Variants in ZDHHC17 observed in about 807,000 individuals in gnomAD.
ZDHHC17 encodes the protein palmitoyltransferase ZDHHC17.
ZDHHC17 carries 40 observed loss-of-function variants against 90.3 expected under a neutral mutation model. That is an observed-to-expected ratio of 0.44 (90% CI 0.34 to 0.58). ZDHHC17 has a LOEUF of 0.58. Ranked by LOEUF, ZDHHC17 falls within the 20% of genes least tolerant of loss-of-function variation. ZDHHC17 has a pLI of 0.01. For missense variants in ZDHHC17, 614 were observed against 780.8 expected (o/e 0.79, Z 2.55); for synonymous variants, 235 against 252.4 (o/e 0.93, Z 0.65).
chr12:76,840,787 TA>T (rs1327664889), intron 10 of ZDHHC17, among the ~76,000 whole-genome samples: 1 of 152,240 alleles, frequency 6.6e-6, no homozygotes, highest in Non-Finnish European at 1.5e-5. Context: ...TTCCTTAATA[TA>T]CCTTTCAAAT....
At chr12:76,845,193 G>C (rs1953480025) in intron 12 of ZDHHC17, 1 of 152,172 alleles carries the variant, frequency 6.6e-6, no homozygotes, top group African/African-American at 2.4e-5. Context: ...ATGGGTTTTT[G>C]CTGGATTTGT....
At chr12:76,846,719 C>G in intron 14 of ZDHHC17, 40 bp downstream of exon 14, 1 of 1,484,736 alleles carries the variant, frequency 6.7e-7, no homozygotes, top group Non-Finnish European at 9.3e-7. Context: ...AAACAAATTT[C>G]TGCATACTTA....
intron 2 of ZDHHC17, among the ~76,000 whole-genome samples, chr12:76,800,071 G>A (rs527542626): frequency 5.0e-4 from 76 of 152,256 alleles, no homozygotes; most frequent in African/African-American, 1.7e-3. Flanking sequence ...TAGGATTTTG[G>A]AATACTTCAT....
In ZDHHC17 at chr12:76,848,316, A is replaced by C. The variant is rs1351484266; in HGVS notation, c.1591A>C (p.Met531Leu). Residue 531 changes from methionine (M) to leucine (L), a missense_variant, in exon 15 of 17, where the codon ATG (methionine) becomes CTG (leucine). By Grantham distance (15) the Met-to-Leu change is conservative. This residue lies in a region of ZDHHC17 where 111 missense variants were observed against 179.8 expected (regional missense o/e 0.62). Coordinates refer to ENST00000426126, the MANE Select transcript of ZDHHC17 (RefSeq NM_015336.4). Reference sequence around the variant, plus strand: ...TCAGATTGCCACGTGTTCACCTTGGATGTTTTGGATGTTCCTGAACAGTGT... The same window carrying C: ...TCAGATTGCCACGTGTTCACCTTGGCTGTTTTGGATGTTCCTGAACAGTGT... ...ITQIATCSPW[M>L]FWMFLNSVFH... 1 of 1,613,792 alleles carries C rather than the reference A, an allele frequency of 6.2e-7. No individual in the cohort carries two copies. The highest frequency in any genetic ancestry group is 8.5e-7 in the Non-Finnish European group (1 of 1,179,880).
chr12:76,848,473 TA>T (rs763970884), intron 15 of ZDHHC17, 83 bp downstream of exon 15: 98 of 1,351,834 alleles, frequency 7.2e-5, no homozygotes, highest in Non-Finnish European at 9.2e-5. Flanking sequence ...ATTCTCTTCC[TA>T]ACCACTCCTG....
intron 5 of ZDHHC17, among the ~76,000 whole-genome samples, chr12:76,812,057 A>G (rs1953030724): frequency 6.6e-6 from 1 of 152,206 alleles, no homozygotes. Context: ...TCAAGATTTT[A>G]TTACATATAT....
intron 1 of ZDHHC17, among the ~76,000 whole-genome samples, chr12:76,789,756 C>T (rs769740414): frequency 1.3e-5 from 2 of 151,830 alleles, no homozygotes; most frequent in Non-Finnish European, 2.9e-5. Context: ...CTTTAAAATA[C>T]ATAACTTGAG....
Position 76,764,225 on chromosome 12 carries a change from C to A in ZDHHC17, c.-12C>A. 1 of 1,584,436 alleles carries A rather than the reference C, an allele frequency of 6.3e-7. No homozygotes were observed. The highest frequency in any genetic ancestry group is 1.8e-5 in the Admixed American group (1 of 56,478). ...GCCCGAGCCCCGGGAGGGTGAAACGCTTTCTCCCAGCATGCAGCGGGAGGA... is the reference window on the plus strand; with the variant it reads ...GCCCGAGCCCCGGGAGGGTGAAACGATTTCTCCCAGCATGCAGCGGGAGGA... On this transcript the variant is annotated 5_prime_UTR_variant, in exon 1 of 17. Transcript: ENST00000426126.
intron 1 of ZDHHC17, among the ~76,000 whole-genome samples, chr12:76,777,987 T>C (rs1952577882): frequency 6.6e-6 from 1 of 152,152 alleles, no homozygotes; most frequent in Non-Finnish European, 1.5e-5. Flanking sequence ...AGTGGGACTA[T>C]GCCTTTTTTA....
chr12:76,838,281 C>T (rs886783962), intron 10 of ZDHHC17, among the ~76,000 whole-genome samples: 1 of 152,094 alleles, frequency 6.6e-6, no homozygotes, highest in African/African-American at 2.4e-5. Flanking sequence ...ATGCTGTGCA[C>T]ATTTTTTCTG....
At chr12:76,807,203 G>A (rs976200738) in intron 3 of ZDHHC17, among the ~76,000 whole-genome samples, 6 of 152,204 alleles carry the variant, frequency 3.9e-5, no homozygotes, top group African/African-American at 1.4e-4. Context: ...TACAAAGAAA[G>A]CGTTCGAGCA....
At chr12:76,795,935 A>G (rs1471043969) in intron 1 of ZDHHC17, among the ~76,000 whole-genome samples, 2 of 152,180 alleles carry the variant, frequency 1.3e-5, no homozygotes, top group Admixed American at 6.5e-5. Context: ...GTGTATTTTA[A>G]CATTGGCTAT....
chr12:76,788,019 T>C (rs564129466), intron 1 of ZDHHC17, among the ~76,000 whole-genome samples: 1 of 152,298 alleles, frequency 6.6e-6, no homozygotes, highest in Admixed American at 6.5e-5. Flanking sequence ...CAGGCTGTAG[T>C]GGTGATGATC....
chr12:76,777,003 G>A (rs1022969042), intron 1 of ZDHHC17, among the ~76,000 whole-genome samples: 1 of 152,184 alleles, frequency 6.6e-6, no homozygotes, highest in Non-Finnish European at 1.5e-5. Context: ...GAGATCTCAT[G>A]TATCCTTTAC....
chr12:76,821,272 A>C (rs1354540836), intron 7 of ZDHHC17: 2 of 420,276 alleles, frequency 4.8e-6, no homozygotes, highest in African/African-American at 2.1e-5. Flanking sequence ...TATTTGTGGA[A>C]GACTCCTAGA....
At chr12:76,850,732 A>T in intron 16 of ZDHHC17, 115 bp from the exon 17 acceptor site, 1 of 1,325,542 alleles carries the variant, frequency 7.5e-7, no homozygotes, top group Non-Finnish European at 1.0e-6. Context: ...TCTTGCAAGT[A>T]ACCTGAGTTT....
At chr12:76,820,727 C>T (rs1214793711) in intron 7 of ZDHHC17, among the ~76,000 whole-genome samples, 1 of 152,122 alleles carries the variant, frequency 6.6e-6, no homozygotes, top group African/African-American at 2.4e-5. Flanking sequence ...TTCAACCTTA[C>T]GTAGGTGAAA....
chr12:76,790,296 G>A (rs1355390435), intron 1 of ZDHHC17, among the ~76,000 whole-genome samples: 1 of 152,144 alleles, frequency 6.6e-6, no homozygotes, highest in Non-Finnish European at 1.5e-5. Flanking sequence ...GAGGTCAGGA[G>A]TTTGAGACCA....
chr12:76,769,090 C>T (rs1423169092), intron 1 of ZDHHC17: 1 of 424,678 alleles, frequency 2.4e-6, no homozygotes, highest in East Asian at 7.5e-5. Context: ...TGGAGTTGCG[C>T]TCTTGTTGCC....
Sources: gnomAD v4.1 joint callset for allele counts (sites outside exome capture counted in the v4.1 genomes callset) on GRCh38, gnomAD v4.1.1 for gene constraint, gnomAD v4.1.1 regional missense constraint, MANE v1.5 for transcripts, NCBI Gene and HGNC (gene_info 2026-07-23, HGNC 2026-07-21) for gene names.